Variants in SP100 observed in about 807,000 individuals in gnomAD.
The protein encoded by SP100 is nuclear autoantigen Sp-100.
Under a neutral mutation model 130.0 loss-of-function variants are expected in SP100, and 84 were observed. That is an observed-to-expected ratio of 0.65 (90% CI 0.54 to 0.77). The LOEUF (loss-of-function observed/expected upper bound fraction) is 0.77. SP100 is among the 30% of genes least tolerant of loss of function. SP100 has a pLI of 0.00. For missense variants in SP100, 978 were observed against 1,052.2 expected (o/e 0.93, Z 0.97); for synonymous variants, 331 against 351.7 (o/e 0.94, Z 0.66).
chr2:230,525,837 T>TG (rs1559535209), intron 24 of SP100, among the ~76,000 whole-genome samples: 1 of 151,582 alleles, frequency 6.6e-6, no homozygotes, highest in Admixed American at 6.6e-5. Flanking sequence ...TGCAGATTGG[T>TG]GGGGGGAGGG....
intron 22 of SP100, chr2:230,507,226 A>G (rs1385850483): frequency 6.6e-6 from 1 of 152,230 alleles, no homozygotes; most frequent in Non-Finnish European, 1.5e-5. Context: ...TAAGTTCAGC[A>G]TCAACATAGG....
At chr2:230,503,009 A>G in intron 19 of SP100, 57 bp from the exon 20 acceptor site, 1 of 1,302,010 alleles carries the variant, frequency 7.7e-7, no homozygotes, top group Non-Finnish European at 1.1e-6. Context: ...GTGGTTTTGT[A>G]AAACACTACT....
intron 28 of SP100, 58 bp downstream of exon 28, chr2:230,542,093 T>TC: frequency 2.6e-6 from 4 of 1,545,110 alleles, no homozygotes; most frequent in Non-Finnish European, 3.6e-6. Context: ...AAAGTCACTT[T>TC]CCCTGTCATC....
At chr2:230,461,472 C>G (rs1012742679) in intron 9 of SP100, 58 bp downstream of exon 9, 11 of 1,572,948 alleles carry the variant, frequency 7.0e-6, no homozygotes, top group Non-Finnish European at 8.7e-6. Flanking sequence ...GTAAGGGGCT[C>G]AGGGACTTCA....
intron 5 of SP100, among the ~76,000 whole-genome samples, chr2:230,447,827 G>A (rs1416521198): frequency 1.3e-5 from 2 of 152,060 alleles, no homozygotes; most frequent in Non-Finnish European, 2.9e-5. Flanking sequence ...TGATTATTAA[G>A]TTAACCTCCA....
chr2:230,498,582 A>G (rs1326385537), intron 19 of SP100, 47 bp downstream of exon 19: 1 of 1,067,622 alleles, frequency 9.4e-7, no homozygotes. Flanking sequence ...CTAAATTCTC[A>G]TGCTCTTAGT....
intron 8 of SP100, among the ~76,000 whole-genome samples, chr2:230,451,000 C>T (rs2063952963): frequency 6.6e-6 from 1 of 152,128 alleles, no homozygotes; most frequent in South Asian, 2.1e-4. Flanking sequence ...GATGGTTAGA[C>T]ATATGATTTT....
In SP100 at chr2:230,464,063, G is replaced by T; in HGVS notation, c.1058-4G>T. 6.2e-7 allele frequency: 1 copy of T among 1,602,088 alleles called. No individual in the cohort carries two copies. The highest frequency in any genetic ancestry group is 1.3e-5 in the African/African-American group (1 of 74,746). On this transcript the variant is annotated splice_region_variant and splice_polypyrimidine_tract_variant and intron_variant, in intron 10 of 28. Coordinates refer to ENST00000340126, the MANE Select transcript of SP100 (RefSeq NM_001080391.2). ...CCTCTAAAGAATCCCATTCTTTTGT[G>T]CAGTGATCAATAATGACAACCCTTT...
chr2:230,510,863 T>G, intron 23 of SP100: 1 of 517,052 alleles, frequency 1.9e-6, no homozygotes, highest in Non-Finnish European at 3.5e-6. Context: ...TTGCTCCAGC[T>G]CAGTCTCCCT....
intron 8 of SP100, among the ~76,000 whole-genome samples, chr2:230,454,281 T>G (rs543217626): frequency 1.2e-4 from 19 of 152,252 alleles, no homozygotes; most frequent in African/African-American, 4.3e-4. Context: ...AGTTTTGAAC[T>G]CATTTATTTC....
Position 230,464,083 on chromosome 2 carries a change from C to G in SP100, c.1074C>G (p.Asn358Lys). 1 of 1,611,826 alleles carries G rather than the reference C, an allele frequency of 6.2e-7. No homozygotes were observed. Among genetic ancestry groups the G allele is most frequent in the Non-Finnish European group, 8.5e-7 (1 of 1,177,994 alleles). Residue 358 changes from asparagine (N) to lysine (K), a missense_variant, in exon 11 of 29, where the codon AAC becomes AAG. Asn to Lys is a moderately conservative substitution (Grantham distance 94). Coordinates refer to ENST00000340126, the MANE Select transcript of SP100 (RefSeq NM_001080391.2). ...TTTGTGCAGTGATCAATAATGACAA[C>G]CCTTTAGAATCAAATGATGAAAAGG... Reference protein sequence around the residue: ...PRSEPVINNDNPLESNDEKEG... With the variant: ...PRSEPVINNDKPLESNDEKEG...
chr2:230,496,916 G>C (rs186283330), intron 18 of SP100, among the ~76,000 whole-genome samples: 1 of 152,266 alleles, frequency 6.6e-6, no homozygotes, highest in Admixed American at 6.5e-5. Context: ...CAACATTCTA[G>C]GATTGAGTCT....
At chr2:230,488,714 A>G (rs534281937) in intron 17 of SP100, among the ~76,000 whole-genome samples, 3 of 152,306 alleles carry the variant, frequency 2.0e-5, no homozygotes, top group East Asian at 1.9e-4. Flanking sequence ...CGCCCGGCCA[A>G]GAGTTTTTAA....
intron 17 of SP100, among the ~76,000 whole-genome samples, chr2:230,489,388 T>C (rs2066278153): frequency 6.6e-6 from 1 of 152,190 alleles, no homozygotes; most frequent in Non-Finnish European, 1.5e-5. Context: ...CTTTTTTTAT[T>C]GTGTCTATTT....
chr2:230,534,509 T>C (rs1233130602), intron 24 of SP100, among the ~76,000 whole-genome samples: 1 of 152,242 alleles, frequency 6.6e-6, no homozygotes, highest in Non-Finnish European at 1.5e-5. Context: ...TGACAGACTT[T>C]CCAAGAGTAA....
chr2:230,428,363 C>T (rs556493971), intron 2 of SP100, among the ~76,000 whole-genome samples: 1 of 152,238 alleles, frequency 6.6e-6, no homozygotes, highest in East Asian at 1.9e-4. Flanking sequence ...AACTTACAAT[C>T]ATGGTGGAAG....
chr2:230,541,107 A>G (rs1032629359), intron 26 of SP100, 111 bp downstream of exon 26: 63 of 1,396,508 alleles, frequency 4.5e-5, no homozygotes, highest in African/African-American at 8.6e-5. Flanking sequence ...CTGCTGGCCT[A>G]TGGTGTGCTT....
intron 22 of SP100, among the ~76,000 whole-genome samples, chr2:230,507,567 G>A (rs1306539285): frequency 6.6e-6 from 1 of 152,172 alleles, no homozygotes; most frequent in Non-Finnish European, 1.5e-5. Flanking sequence ...ACACCTGCAG[G>A]AAGAGGTACA....
chr2:230,509,715 C>T (rs974616639), intron 23 of SP100: 13 of 152,160 alleles, frequency 8.5e-5, no homozygotes, highest in Non-Finnish European at 4.4e-5. Context: ...GCTATTGTTG[C>T]CAGCTTTCCT....
Sources: allele counts gnomAD v4.1 joint callset (sites outside exome capture counted in the v4.1 genomes callset), GRCh38; gene constraint gnomAD v4.1.1; transcripts MANE v1.5; gene names NCBI Gene and HGNC (gene_info 2026-07-23, HGNC 2026-07-21).